Variants in HAT1 observed in about 807,000 individuals in gnomAD.
HAT1 encodes histone acetyltransferase 1.
HAT1 carries 20 observed loss-of-function variants against 56.6 expected under a neutral mutation model. The observed-to-expected ratio is 0.35, with a 90% CI of 0.25 to 0.51. HAT1 has a LOEUF of 0.51. HAT1 is among the 20% of genes least tolerant of loss of function. HAT1 has a pLI of 0.95. For missense variants in HAT1, 408 were observed against 504.3 expected (o/e 0.81, Z 1.83); for synonymous variants, 146 against 165.5 (o/e 0.88, Z 0.91).
chr2:171,969,784 T>C (rs1224379655), intron 8 of HAT1, among the ~76,000 whole-genome samples: 3 of 152,190 alleles, frequency 2.0e-5, no homozygotes, highest in Non-Finnish European at 4.4e-5. Context: ...GTGGCCTGAG[T>C]AGTTTTTCTC....
At chr2:171,928,849 T>C (rs1686665115) in intron 2 of HAT1, among the ~76,000 whole-genome samples, 1 of 152,230 alleles carries the variant, frequency 6.6e-6, no homozygotes, top group South Asian at 2.1e-4. Flanking sequence ...TGTTGTTGGA[T>C]ACATCATTAT....
chr2:171,928,626 A>G (rs1157082571), intron 2 of HAT1, among the ~76,000 whole-genome samples: 1 of 152,122 alleles, frequency 6.6e-6, no homozygotes, highest in East Asian at 1.9e-4. Flanking sequence ...CTCCTGCCTC[A>G]GCCTCTGGAG....
At chr2:171,934,562 G>A (rs2105307283) in intron 2 of HAT1, among the ~76,000 whole-genome samples, 2 of 152,258 alleles carry the variant, frequency 1.3e-5, no homozygotes, top group South Asian at 4.1e-4. Context: ...ATAGAAGAAG[G>A]CGTTGGAGAT....
At chr2:171,947,682 C>T (rs768483918) in intron 3 of HAT1, among the ~76,000 whole-genome samples, 14 of 152,140 alleles carry the variant, frequency 9.2e-5, no homozygotes, top group South Asian at 6.2e-4. Flanking sequence ...AGTTCCAGAC[C>T]GGCCTGGCTA....
chr2:171,954,883 G>T (rs1158663958), intron 4 of HAT1, among the ~76,000 whole-genome samples: 1 of 152,212 alleles, frequency 6.6e-6, no homozygotes, highest in African/African-American at 2.4e-5. Context: ...GTATCCTAAT[G>T]AGAGGGAGAC....
At chr2:171,951,536 C>T (rs993213944) in intron 3 of HAT1, among the ~76,000 whole-genome samples, 1 of 151,760 alleles carries the variant, frequency 6.6e-6, no homozygotes, top group Non-Finnish European at 1.5e-5. Context: ...TCTCCTGCCT[C>T]AGCCTCTTGA....
chr2:171,982,199 T>C (rs917945732), intron 10 of HAT1, among the ~76,000 whole-genome samples: 4 of 152,090 alleles, frequency 2.6e-5, no homozygotes, highest in Admixed American at 6.6e-5. Context: ...AGTTCACCAG[T>C]CTAAAAGGCC....
chr2:171,945,473 T>TTAGC (rs1173827119), intron 2 of HAT1, among the ~76,000 whole-genome samples: 2 of 150,244 alleles, frequency 1.3e-5, no homozygotes, highest in Admixed American at 6.7e-5. Context: ...ATAGGGCACT[T>TTAGC]TAGCTAGCTA....
rs528076355 is a variant in HAT1 at position 171,967,143 on chromosome 2, A to G, written c.823+194A>G. 1.3e-4 allele frequency among the ~76,000 whole-genome samples: 20 copies of G among 152,292 alleles called. No homozygotes were observed. The East Asian group carries it at 3.3e-3, about 25-fold the overall frequency. ...GGATTGGATTACATCCCTAACTGTG[A>G]AGTGCATAATGGAACAAATTGAAGA... On this transcript the variant is annotated intron_variant, in intron 8 of 10. Transcript: ENST00000264108.
At chr2:171,975,102 CTTT>C (rs56657515) in intron 8 of HAT1, among the ~76,000 whole-genome samples, 7 of 130,896 alleles carry the variant, frequency 5.3e-5, no homozygotes, top group Middle Eastern at 3.6e-3. Flanking sequence ...TATTTTCTTT[CTTT>C]TTTTTTTTTT....
intron 8 of HAT1, among the ~76,000 whole-genome samples, chr2:171,969,541 T>TA (rs1687763775): frequency 6.6e-6 from 1 of 152,328 alleles, no homozygotes; most frequent in East Asian, 1.9e-4. Flanking sequence ...TATCTTTAAA[T>TA]ATGTTGCTTA....
chr2:171,969,929 G>C (rs1420484613), intron 8 of HAT1, among the ~76,000 whole-genome samples: 1 of 152,050 alleles, frequency 6.6e-6, no homozygotes, highest in Non-Finnish European at 1.5e-5. Flanking sequence ...GAGCTGGAGG[G>C]TTGCTTGAGC....
intron 8 of HAT1, among the ~76,000 whole-genome samples, chr2:171,970,811 C>T (rs1342726888): frequency 3.3e-5 from 5 of 151,504 alleles, no homozygotes; most frequent in African/African-American, 4.8e-5. Context: ...AGCCACCACC[C>T]CTGGCTGCAA....
chr2:171,966,821 TA>T, intron 7 of HAT1, 21 bp from the exon 8 acceptor site: 1 of 1,135,878 alleles, frequency 8.8e-7, no homozygotes, highest in Non-Finnish European at 1.3e-6. Context: ...ATTTTAATTT[TA>T]AAATAATTTC....
intron 1 of HAT1, 142 bp downstream of exon 1, chr2:171,922,649 G>A: frequency 1.6e-6 from 1 of 627,594 alleles, no homozygotes; most frequent in Non-Finnish European, 2.4e-6. Flanking sequence ...CGGAAGCGCG[G>A]AACTCTCAGC....
At chr2:171,963,702 T>C (rs1574058745) in intron 4 of HAT1, among the ~76,000 whole-genome samples, 1 of 152,178 alleles carries the variant, frequency 6.6e-6, no homozygotes, top group African/African-American at 2.4e-5. Flanking sequence ...ACACAACACA[T>C]CTATTACAGC....
chr2:171,933,423 C>T (rs1272012943), intron 2 of HAT1, among the ~76,000 whole-genome samples: 2 of 151,804 alleles, frequency 1.3e-5, no homozygotes, highest in African/African-American at 4.8e-5. Context: ...TTTAAACTTT[C>T]CTTTTCTAAT....
Position 171,965,870 on chromosome 2 carries a change from T to G in HAT1, c.573T>G (p.Phe191Leu). 1.2e-6 allele frequency: 2 copies of G among 1,613,198 alleles called. No individual in the cohort carries two copies. Among genetic ancestry groups the G allele is most frequent in the Non-Finnish European group, 1.7e-6 (2 of 1,179,192 alleles). ...FLMWFIETAS[F>L]IDVDDERWHY... is the part of the protein sequence containing the mutation. ...TGTGGTTTATTGAAACTGCTAGCTT[T>G]ATTGACGTGGATGATGAAAGATGGC... Residue 191 changes from phenylalanine to leucine, a missense_variant, in exon 6 of 11, where the codon TTT becomes TTG. Coordinates refer to ENST00000264108, the MANE Select transcript of HAT1 (RefSeq NM_003642.4).
At chr2:171,982,207 G>A (rs1688148866) in intron 10 of HAT1, among the ~76,000 whole-genome samples, 1 of 152,052 alleles carries the variant, frequency 6.6e-6, no homozygotes, top group Non-Finnish European at 1.5e-5. Context: ...AGTCTAAAAG[G>A]CCAGAACTGG....
Sources: allele counts gnomAD v4.1 joint callset (sites outside exome capture counted in the v4.1 genomes callset), GRCh38; gene constraint gnomAD v4.1.1; transcripts MANE v1.5; gene names NCBI Gene and HGNC (gene_info 2026-07-23, HGNC 2026-07-21).